The following ZNF280D variants were observed in gnomAD, a reference collection of about 807,000 sequenced individuals.
The protein encoded by ZNF280D is suppressor of hairy wing homolog 4.
A neutral mutation model predicts 94.7 loss-of-function variants in ZNF280D; 39 were observed. That is an observed-to-expected ratio of 0.41 (90% CI 0.32 to 0.54). ZNF280D has a LOEUF of 0.54. Among genes scored for constraint, ZNF280D ranks in the 20% least tolerant of loss-of-function variants. ZNF280D has a pLI of 0.22. For synonymous variants in ZNF280D, 398 were observed against 377.6 expected, an observed-to-expected ratio of 1.05 and a Z score of -0.63; for missense variants, 1,090 against 1,149.3, an observed-to-expected ratio of 0.95 and a Z score of 0.75.
At position 56,694,974 on chromosome 15, in the gene ZNF280D, T is replaced by C. The variant is rs138299458; in HGVS notation, c.382-1759A>G. On this transcript the variant is annotated intron_variant, in intron 6 of 21. Transcript: ENST00000267807. ...AGTTAAAAAGCAATGATAACATTCATTATTGGCAAAGTAGAGCTTATATTT... is the reference window on the plus strand; with the variant it reads ...AGTTAAAAAGCAATGATAACATTCACTATTGGCAAAGTAGAGCTTATATTT... Among the ~76,000 whole-genome samples the C allele has an allele frequency of 3.4e-3, 517 of 152,314 alleles. 2 individuals carry two copies. The highest frequency in any genetic ancestry group is 2.9e-3 in the Non-Finnish European group (196 of 68,016).
At chr15:56,705,435 G>A (rs2057347117) in intron 3 of ZNF280D, among the ~76,000 whole-genome samples, 1 of 152,138 alleles carries the variant, frequency 6.6e-6, no homozygotes, top group Non-Finnish European at 1.5e-5. Context: ...AGAGCAGAGA[G>A]CTGACATCAA....
At chr15:56,643,280 A>C (rs1161074119) in intron 19 of ZNF280D, 1 of 217,292 alleles carries the variant, frequency 4.6e-6, no homozygotes, top group Non-Finnish European at 9.0e-6. Context: ...GCTAAGTACA[A>C]TTTAAAATAA....
At chr15:56,673,787 C>A (rs1358965219) in intron 13 of ZNF280D, among the ~76,000 whole-genome samples, 1 of 152,002 alleles carries the variant, frequency 6.6e-6, no homozygotes, top group Admixed American at 6.6e-5. Flanking sequence ...ATACACTCAC[C>A]TCACTGCCTA....
chr15:56,703,873 T>TAAATA (rs35080491), intron 4 of ZNF280D, among the ~76,000 whole-genome samples: 146,073 of 151,758 alleles, frequency 0.96, 70,539 homozygotes, highest in Middle Eastern at 1. Flanking sequence ...AATAAATAAA[T>TAAATA]AATTACTTAA....
At chr15:56,732,145 G>A (rs1173614809) in intron 1 of ZNF280D, among the ~76,000 whole-genome samples, 2 of 152,182 alleles carry the variant, frequency 1.3e-5, no homozygotes, top group Admixed American at 1.3e-4. Context: ...GAAGGAGTCA[G>A]AAGACCTAAG....
At chr15:56,733,013 C>T (rs1007952608) in intron 1 of ZNF280D, 1 of 152,410 alleles carries the variant, frequency 6.6e-6, no homozygotes, top group East Asian at 1.9e-4. Flanking sequence ...CCTTTGGTCT[C>T]CTTTCCTACG....
At chr15:56,706,977 C>G in intron 3 of ZNF280D, 105 bp downstream of exon 3, 1 of 1,029,582 alleles carries the variant, frequency 9.7e-7, no homozygotes, top group Non-Finnish European at 1.5e-6. Context: ...CAATTTTAAG[C>G]ATTTTTGTTT....
chr15:56,688,274 C>G (rs894915195), intron 9 of ZNF280D, among the ~76,000 whole-genome samples: 1 of 151,804 alleles, frequency 6.6e-6, no homozygotes, highest in African/African-American at 2.4e-5. Context: ...GGGCGGATCA[C>G]GAGGTCAGGA....
At chr15:56,682,549 TTG>T (rs1460200919) in intron 9 of ZNF280D, 72 bp from the exon 10 acceptor site, 2 of 999,452 alleles carry the variant, frequency 2.0e-6, no homozygotes, top group Admixed American at 6.6e-5. Context: ...CAAAAAGTGA[TTG>T]TGTGTTTACA....
intron 1 of ZNF280D, 27 bp downstream of exon 1, chr15:56,733,431 G>A (rs959858319): frequency 1.9e-6 from 2 of 1,054,666 alleles, no homozygotes; most frequent in Non-Finnish European, 2.3e-6. Flanking sequence ...TGCAGCGCAG[G>A]GCGGGCGGGG....
intron 1 of ZNF280D, chr15:56,730,701 C>T (rs1376885693): frequency 1.3e-5 from 2 of 152,250 alleles, no homozygotes; most frequent in African/African-American, 4.8e-5. Flanking sequence ...CTGATGCCAA[C>T]ACATAGAAGC....
intron 1 of ZNF280D, among the ~76,000 whole-genome samples, chr15:56,713,562 C>T (rs1225992033): frequency 6.6e-6 from 1 of 152,102 alleles, no homozygotes; most frequent in Admixed American, 6.5e-5. Context: ...TAATGGCATA[C>T]TGAAATGGAG....
At chr15:56,656,168 CTGGTTCCAA>C (rs1475884882) in intron 17 of ZNF280D, among the ~76,000 whole-genome samples, 1 of 152,182 alleles carries the variant, frequency 6.6e-6, no homozygotes, top group African/African-American at 2.4e-5. Context: ...TCCCTGAAGG[CTGGTTCCAA>C]CACTGCTTCA....
chr15:56,659,302 G>T (rs1200776296), intron 16 of ZNF280D, among the ~76,000 whole-genome samples: 2 of 150,344 alleles, frequency 1.3e-5, no homozygotes, highest in Non-Finnish European at 2.9e-5. Flanking sequence ...TTTAATTCCA[G>T]TAAGGAAAGT....
chr15:56,715,644 T>C (rs1282753503), intron 1 of ZNF280D, among the ~76,000 whole-genome samples: 1 of 151,960 alleles, frequency 6.6e-6, no homozygotes, highest in Non-Finnish European at 1.5e-5. Context: ...ATATGTTAAT[T>C]AAATAAATAA....
Position 56,689,459 on chromosome 15 carries a change from T to C in ZNF280D, c.511A>G (p.Ser171Gly). The C allele has an allele frequency of 6.4e-7, 1 of 1,553,918 alleles. No individual in the cohort carries two copies. Among genetic ancestry groups the C allele is most frequent in the Non-Finnish European group, 8.7e-7 (1 of 1,148,278 alleles). The change falls in exon 8 of 22, where the codon AGT becomes GGT. Residue 171 changes from serine to glycine, a missense_variant. This residue lies in a region of ZNF280D where 386 missense variants were observed against 372.0 expected (regional missense o/e 1.04). Transcript: ENST00000267807. Reference protein sequence around the residue: ...PTLSMAGMSESSFLSKRPSTS... With the variant: ...PTLSMAGMSEGSFLSKRPSTS... ...GAAGGACGTTTTGATAAAAATGAAC[T>C]TTCACTCATACCTACAATAATTTAA...
intron 9 of ZNF280D, among the ~76,000 whole-genome samples, chr15:56,683,392 A>G (rs2055773218): frequency 1.3e-5 from 2 of 152,142 alleles, no homozygotes; most frequent in South Asian, 2.1e-4. Flanking sequence ...CAAGCTACGG[A>G]GGGGCATAGC....
Position 56,704,148 on chromosome 15 carries a change from T to A in ZNF280D, c.148A>T (p.Ile50Leu). Residue 50 changes from isoleucine (I) to leucine (L), a missense_variant, in exon 4 of 22, where the codon ATA becomes TTA. This residue lies in a region of ZNF280D where 386 missense variants were observed against 372.0 expected (regional missense o/e 1.04). Coordinates refer to ENST00000267807, the MANE Select transcript of ZNF280D (RefSeq NM_017661.4). ...DDDEPIFVGE[I>L]SSSKPAISNI... ...GAAATTGCTGGTTTTGAACTTGATATCTCGCCAACAAAGATTGGCTCATCA... is the reference window on the plus strand; with the variant it reads ...GAAATTGCTGGTTTTGAACTTGATAACTCGCCAACAAAGATTGGCTCATCA... The A allele has an allele frequency of 1.2e-6, 2 of 1,613,810 alleles. No homozygotes were observed. Among genetic ancestry groups the A allele is most frequent in the Admixed American group, 1.7e-5 (1 of 59,972 alleles).
At chr15:56,683,856 A>G (rs1163712457) in intron 9 of ZNF280D, among the ~76,000 whole-genome samples, 1 of 152,186 alleles carries the variant, frequency 6.6e-6, no homozygotes, top group African/African-American at 2.4e-5. Context: ...TCCATAATAT[A>G]CGAAAGCACT....
Sources: gnomAD v4.1 joint callset for allele counts (sites outside exome capture counted in the v4.1 genomes callset) on GRCh38, gnomAD v4.1.1 for gene constraint, gnomAD v4.1.1 regional missense constraint, MANE v1.5 for transcripts, NCBI Gene and HGNC (gene_info 2026-07-23, HGNC 2026-07-21) for gene names.